The following NOTCH2 variants were observed in gnomAD, a reference collection of about 807,000 sequenced individuals.
NOTCH2 encodes the protein neurogenic locus notch homolog protein 2.
NOTCH2 carries 29 observed loss-of-function variants against 235.8 expected under a neutral mutation model. The observed-to-expected ratio is 0.12, with a 90% CI of 0.09 to 0.17. The LOEUF is 0.17. Ranked by LOEUF, NOTCH2 falls within the 10% of genes least tolerant of loss-of-function variation. The pLI is 1.00. For synonymous variants in NOTCH2, 1,086 were observed against 1,141.5 expected (o/e 0.95, Z 0.98); for missense variants, 2,285 against 3,150.2 (o/e 0.73, Z 6.57).
intron 1 of NOTCH2, among the ~76,000 whole-genome samples, chr1:120,065,699 A>T (rs1202535628): frequency 6.6e-6 from 1 of 152,100 alleles, no homozygotes; most frequent in Non-Finnish European, 1.5e-5. Flanking sequence ...TGTCCAAAAT[A>T]CTACACATAC....
chr1:119,967,401 TC>T, intron 8 of NOTCH2, 31 bp downstream of exon 8: 1 of 1,601,964 alleles, frequency 6.2e-7, no homozygotes, highest in Non-Finnish European at 8.6e-7. Context: ...GTCCCTCCTC[TC>T]TAGACCCAAC....
intron 3 of NOTCH2, among the ~76,000 whole-genome samples, chr1:120,004,848 C>G (rs61787038): frequency 6.6e-6 from 1 of 152,176 alleles, no homozygotes; most frequent in African/African-American, 2.4e-5. Context: ...TCATAGCTCA[C>G]TGCAGCCTCA....
intron 1 of NOTCH2, among the ~76,000 whole-genome samples, chr1:120,037,828 G>A (rs1351606861): frequency 6.6e-6 from 1 of 151,538 alleles, no homozygotes; most frequent in African/African-American, 2.4e-5. Flanking sequence ...TTAAGAACTG[G>A]GCTATAGGGT....
At chr1:119,958,402 T>C (rs1484283001) in intron 12 of NOTCH2, among the ~76,000 whole-genome samples, 1 of 152,252 alleles carries the variant, frequency 6.6e-6, no homozygotes, top group Admixed American at 6.5e-5. Flanking sequence ...TCTTGGCAAA[T>C]GAATGGTGGA....
Position 119,914,625 on chromosome 1 carries a change from A to G in NOTCH2, c.*681T>C, listed in dbSNP as rs1649001439. On this transcript the variant is annotated 3_prime_UTR_variant, in exon 34 of 34. Transcript: ENST00000256646. Reference sequence around the variant, plus strand: ...TATATGCAGGAGAACACAATACAGTATGTCCATTTTCCAAAGAAACAACAT... The same window carrying G: ...TATATGCAGGAGAACACAATACAGTGTGTCCATTTTCCAAAGAAACAACAT... 3 of 239,162 alleles carry G rather than the reference A, an allele frequency of 1.3e-5. No homozygotes were observed. Among genetic ancestry groups the G allele is most frequent in the Non-Finnish European group, 1.6e-5 (2 of 121,316 alleles). The allele number at this position is 239,162 out of a possible 1,614,324, so 14.8% of individuals were successfully genotyped here. A position where few individuals can be genotyped will look rare whatever the true frequency, so the allele number is the denominator to read the frequency against.
chr1:119,990,036 TTGA>T (rs1189502174), intron 4 of NOTCH2, among the ~76,000 whole-genome samples: 7 of 102,584 alleles, frequency 6.8e-5, no homozygotes, highest in Admixed American at 3.3e-4. Context: ...AACAGAATTA[TTGA>T]TAATACTCAA....
intron 11 of NOTCH2, among the ~76,000 whole-genome samples, chr1:119,963,180 T>TGGGA (rs1553199233): frequency 1.4e-5 from 2 of 144,746 alleles, no homozygotes; most frequent in African/African-American, 5.1e-5. Context: ...GGAAGGTAGG[T>TGGGA]AGGAAGGAAG....
In NOTCH2 at chr1:119,966,513, T is replaced by C. The variant is rs1553199693; in HGVS notation, c.1454-24A>G. On this transcript the variant is annotated intron_variant, in intron 8 of 33. Transcript: ENST00000256646. Reference sequence around the variant, plus strand: ...ACCTAAACAAAACAGACCACACAAGTGGCTTAAAGAGAGAGAAAGGTGTAT... The same window carrying C: ...ACCTAAACAAAACAGACCACACAAGCGGCTTAAAGAGAGAGAAAGGTGTAT... The C allele has an allele frequency of 2.6e-6, 4 of 1,546,126 alleles. No individual in the cohort carries two copies. In the Admixed American group the frequency reaches 5.0e-5, roughly 19 times the overall value.
rs587660177 is a variant in NOTCH2, at chr1:119,953,098, G to A, written c.2365+445C>T. Among the ~76,000 whole-genome samples, 189 of 152,244 alleles carry A rather than the reference G, an allele frequency of 1.2e-3. 1 individual carries two copies. Among genetic ancestry groups the A allele is most frequent in the African/African-American group, 4.3e-3 (180 of 41,550 alleles). On this transcript the variant is annotated intron_variant, in intron 14 of 33. Transcript: ENST00000256646. ...AGGCCGAGGTGGGCAGATCACCTGA[G>A]GTCAGGAGTTCATGACCAGCCTAAC... is the stretch of plus-strand genomic sequence containing the variant.
chr1:119,939,693 C>T (rs1553196218), intron 19 of NOTCH2, among the ~76,000 whole-genome samples: 1 of 152,108 alleles, frequency 6.6e-6, no homozygotes, highest in Non-Finnish European at 1.5e-5. Flanking sequence ...AGACAGTTTG[C>T]TGGAGGAAGG....
chr1:119,919,011 A>G (rs587764094), intron 31 of NOTCH2, among the ~76,000 whole-genome samples: 58 of 152,328 alleles, frequency 3.8e-4, no homozygotes, highest in African/African-American at 1.3e-3. Context: ...GCTCCGGACC[A>G]GCTATCACTC....
In NOTCH2 at chr1:119,917,720, T is replaced by G. The variant is rs1649134922; in HGVS notation, c.5972A>C (p.Glu1991Ala). 6.2e-6 allele frequency: 10 copies of G among 1,613,774 alleles called. No homozygotes were observed. The highest frequency in any genetic ancestry group is 1.3e-5 in the African/African-American group (1 of 74,880). Residue 1991 changes from glutamate to alanine, a missense_variant, in exon 33 of 34, where the codon GAG becomes GCG. By Grantham distance (107) the Glu-to-Ala change is moderately radical (BLOSUM62 -1). Coordinates refer to ENST00000256646, the MANE Select transcript of NOTCH2 (RefSeq NM_024408.4). ...LHWAAAVNNVEATLLLLKNGA... is the reference protein window; with the variant it reads ...LHWAAAVNNVAATLLLLKNGA... ...ATTTTTCAACAACAAAAGAGTTGCCTCCACATTATTGACAGCAGCTGCCCA... is the reference window on the plus strand; with the variant it reads ...ATTTTTCAACAACAAAAGAGTTGCCGCCACATTATTGACAGCAGCTGCCCA...
intron 17 of NOTCH2, among the ~76,000 whole-genome samples, chr1:119,944,319 AG>A (rs1339607462): frequency 6.6e-6 from 1 of 152,148 alleles, no homozygotes; most frequent in African/African-American, 2.4e-5. Flanking sequence ...ACGGATAACA[AG>A]ATCAGGAGAT....
chr1:119,954,176 C>CT (rs1264102093), intron 13 of NOTCH2, among the ~76,000 whole-genome samples: 2 of 152,066 alleles, frequency 1.3e-5, no homozygotes, highest in Non-Finnish European at 2.9e-5. Flanking sequence ...CAGAAAGCAC[C>CT]TAGGGTATTC....
chr1:119,950,617 C>T (rs782002735), intron 15 of NOTCH2, 107 bp downstream of exon 15: 1 of 783,292 alleles, frequency 1.3e-6, no homozygotes. Flanking sequence ...AGGAGTGAGC[C>T]CTCGGAGGAG....
chr1:120,045,388 G>A (rs1407395743), intron 1 of NOTCH2, among the ~76,000 whole-genome samples: 2 of 112,768 alleles, frequency 1.8e-5, no homozygotes, highest in African/African-American at 5.0e-5. Context: ...ATTCAACAAG[G>A]TCCTGTAGGA....
intron 1 of NOTCH2, among the ~76,000 whole-genome samples, chr1:120,033,734 G>A (rs1464205324): frequency 6.6e-6 from 1 of 151,534 alleles, no homozygotes; most frequent in Admixed American, 6.6e-5. Flanking sequence ...GCATAGAGTG[G>A]TGAATATAGT....
intron 2 of NOTCH2, among the ~76,000 whole-genome samples, chr1:120,012,712 CCA>C (rs1653249872): frequency 6.6e-6 from 1 of 152,194 alleles, no homozygotes; most frequent in Non-Finnish European, 1.5e-5. Context: ...AGCAATTTCC[CCA>C]GTTTTACAAA....
chr1:119,989,589 G>C (rs1160059930), intron 4 of NOTCH2, among the ~76,000 whole-genome samples: 1 of 151,588 alleles, frequency 6.6e-6, no homozygotes, highest in Non-Finnish European at 1.5e-5. Context: ...TAAGAGACTT[G>C]TATTTAGGAT....
Sources: allele counts gnomAD v4.1 joint callset (sites outside exome capture counted in the v4.1 genomes callset), GRCh38; gene constraint gnomAD v4.1.1; transcripts MANE v1.5; gene names NCBI Gene and HGNC (gene_info 2026-07-23, HGNC 2026-07-21).